WWC1: variants seen among roughly 807,000 people sequenced by gnomAD.
WWC1 encodes WW and C2 domain containing 1, also known as protein KIBRA.
Under a neutral mutation model 138.4 loss-of-function variants are expected in WWC1, and 55 were observed. The ratio of observed to expected loss-of-function variants is 0.40; its 90% confidence interval spans 0.32 to 0.50. The LOEUF (loss-of-function observed/expected upper bound fraction) is 0.50, where lower values mean the gene tolerates loss of function less well. WWC1 is among the 20% of genes least tolerant of loss of function. WWC1 has a pLI of 0.72. For missense variants in WWC1, 1,226 were observed against 1,420.4 expected (o/e 0.86, Z 2.20); for synonymous variants, 524 against 564.9 (o/e 0.93, Z 1.03).
At position 168,444,682 on chromosome 5, in the gene WWC1, C is replaced by T. The variant is rs1755079463; in HGVS notation, c.2525+97C>T. On this transcript the variant is annotated intron_variant, in intron 17 of 22. Transcript: ENST00000265293. Reference sequence around the variant, plus strand: ...TGCCAGTGCAACTAAGAGAAGGGTTCCACTGGGAAGGCTGAGAACCCCTCT... The same window carrying T: ...TGCCAGTGCAACTAAGAGAAGGGTTTCACTGGGAAGGCTGAGAACCCCTCT... The T allele has an allele frequency of 3.7e-6, 5 of 1,362,770 alleles. No homozygotes were observed. The East Asian group carries it at 1.1e-4, about 31-fold the overall frequency. The allele number at this position is 1,362,770 out of a possible 1,614,324, so 84.4% of individuals were successfully genotyped here. A position where few individuals can be genotyped will look rare whatever the true frequency, so the allele number is the denominator to read the frequency against.
intron 21 of WWC1, 54 bp from the exon 22 acceptor site, chr5:168,467,786 G>T: frequency 6.2e-7 from 1 of 1,611,908 alleles, no homozygotes. Context: ...AGTTCTCCTT[G>T]CCCCTTTCTG....
At chr5:168,441,598 A>AC in intron 15 of WWC1, 84 bp from the exon 16 acceptor site, 1 of 1,492,228 alleles carries the variant, frequency 6.7e-7, no homozygotes, top group Non-Finnish European at 9.1e-7. Flanking sequence ...TGTTTTTTCC[A>AC]TACTGTCCTC....
intron 15 of WWC1, among the ~76,000 whole-genome samples, chr5:168,437,208 C>G (rs1782419175): frequency 6.6e-6 from 1 of 152,154 alleles, no homozygotes; most frequent in Non-Finnish European, 1.5e-5. Context: ...GTGAGGTCTT[C>G]CACCCTATAT....
chr5:168,308,117 G>T (rs190134595), intron 1 of WWC1, among the ~76,000 whole-genome samples: 1 of 152,136 alleles, frequency 6.6e-6, no homozygotes, highest in Non-Finnish European at 1.5e-5. Context: ...AAGTCAAGTG[G>T]GTCTTCAGTC....
intron 17 of WWC1, among the ~76,000 whole-genome samples, chr5:168,445,452 C>G (rs1376315724): frequency 2.0e-5 from 3 of 151,928 alleles, no homozygotes; most frequent in Admixed American, 6.6e-5. Flanking sequence ...GTAATCCCAG[C>G]ACTTTGGGAG....
At chr5:168,442,643 C>T (rs1192077724) in intron 16 of WWC1, among the ~76,000 whole-genome samples, 4 of 151,552 alleles carry the variant, frequency 2.6e-5, no homozygotes, top group Non-Finnish European at 5.9e-5. Flanking sequence ...TTGAGACCAC[C>T]CTGGCCAACA....
intron 19 of WWC1, among the ~76,000 whole-genome samples, chr5:168,460,019 G>C (rs2878915): frequency 0.31 from 46,766 of 152,136 alleles, 8,358 homozygotes; most frequent in Middle Eastern, 0.45. Flanking sequence ...TAGCCCTCTG[G>C]GGGGAGTATA....
At chr5:168,338,405 C>CT (rs538925518) in intron 1 of WWC1, among the ~76,000 whole-genome samples, 2 of 141,134 alleles carry the variant, frequency 1.4e-5, no homozygotes, top group South Asian at 2.3e-4. Flanking sequence ...ATAGAGTTTC[C>CT]TTTTTTTTCT....
chr5:168,453,780 A>G (rs570508833), intron 17 of WWC1, among the ~76,000 whole-genome samples, 188 bp from the exon 18 acceptor site: 32 of 152,252 alleles, frequency 2.1e-4, no homozygotes, highest in African/African-American at 7.2e-4. Flanking sequence ...TCCTGAACTC[A>G]GGCAGTCTGC....
At position 168,464,934 on chromosome 5, in the gene WWC1, G is replaced by C; in HGVS notation, c.3122G>C (p.Arg1041Pro). ...TGGTTGCGTGAGGACGAGCGTTTCC[G>C]CCTGCTGCTGAGGATGCTGGAGAAG... is the stretch of plus-strand genomic sequence containing the variant. ...PQWLREDERF[R>P]LLLRMLEKRQ... The change falls in exon 21 of 23, where the codon CGC (arginine) becomes CCC (proline). Residue 1041 changes from arginine to proline, a missense_variant. By Grantham distance (103) the Arg-to-Pro change is moderately radical (BLOSUM62 -2). Transcript: ENST00000265293. 6.2e-7 allele frequency: 1 copy of C among 1,614,086 alleles called. No individual in the cohort carries two copies. The highest frequency in any genetic ancestry group is 2.2e-5 in the East Asian group (1 of 44,872).
chr5:168,441,933 A>C, intron 16 of WWC1, 99 bp downstream of exon 16: 6 of 1,475,076 alleles, frequency 4.1e-6, no homozygotes, highest in Non-Finnish European at 5.4e-6. Flanking sequence ...GCGTCATGAG[A>C]GGAGAACAAT....
chr5:168,416,658 C>A (rs2337223), intron 9 of WWC1: 82,886 of 151,980 alleles, frequency 0.55, 24,282 homozygotes, highest in East Asian at 0.77. Flanking sequence ...AGATTCATGG[C>A]AGCTTCACTC....
intron 14 of WWC1, among the ~76,000 whole-genome samples, chr5:168,430,567 TCA>T (rs1349133630): frequency 3.9e-5 from 6 of 152,302 alleles, no homozygotes; most frequent in Non-Finnish European, 7.4e-5. Context: ...AGAAGAATGG[TCA>T]CAGTCTGTTT....
chr5:168,374,439 TGAAG>T (rs1777017151), intron 2 of WWC1, among the ~76,000 whole-genome samples: 1 of 151,896 alleles, frequency 6.6e-6, no homozygotes, highest in Non-Finnish European at 1.5e-5. Context: ...AGCTAAGACT[TGAAG>T]GAGGTGAGAG....
intron 2 of WWC1, among the ~76,000 whole-genome samples, chr5:168,379,165 A>C (rs1218831986): frequency 6.6e-6 from 1 of 152,204 alleles, no homozygotes; most frequent in African/African-American, 2.4e-5. Flanking sequence ...GAGATGTTTT[A>C]TGTAGGAAAT....
At chr5:168,459,254 C>CAAAA (rs34453947) in intron 19 of WWC1, among the ~76,000 whole-genome samples, 32 of 94,672 alleles carry the variant, frequency 3.4e-4, no homozygotes, top group East Asian at 9.4e-4. Context: ...AACCCTGTCT[C>CAAAA]AAAAAAAAAA....
In WWC1 at chr5:168,424,170, G is replaced by A. The variant is rs1037607884; in HGVS notation, c.1810+102G>A. On this transcript the variant is annotated intron_variant, in intron 11 of 22. Transcript: ENST00000265293. Reference sequence around the variant, plus strand: ...TCATTCTAGTCGATATTTACTGACTGCTTCTGTGTGCTGGGTCTTTGTATG... The same window carrying A: ...TCATTCTAGTCGATATTTACTGACTACTTCTGTGTGCTGGGTCTTTGTATG... 2.2e-6 allele frequency: 3 copies of A among 1,366,832 alleles called. No homozygotes were observed. In the South Asian group the frequency reaches 4.5e-5, roughly 20 times the overall value. 84.7% of individuals were successfully genotyped at this position (1,366,832 alleles called of 1,614,324 possible).
In WWC1 at chr5:168,408,753, G is replaced by C. The variant is rs549311104; in HGVS notation, c.867+100G>C. The stretch of plus-strand genomic sequence containing the variant: ...CTTCTCATGGCTCACCAGGGAGCTG[G>C]CCAGGGGTTCTCTGCAGGGCTGGCT... On this transcript the variant is annotated intron_variant, in intron 7 of 22. Transcript: ENST00000265293. 9.8e-6 allele frequency: 15 copies of C among 1,523,686 alleles called. No homozygotes were observed. In the African/African-American group the frequency reaches 1.8e-4, roughly 18 times the overall value. 94.4% of individuals were successfully genotyped at this position (1,523,686 alleles called of 1,614,324 possible).
chr5:168,354,537 C>A (rs1481805550), intron 1 of WWC1, among the ~76,000 whole-genome samples: 1 of 152,116 alleles, frequency 6.6e-6, no homozygotes, highest in Non-Finnish European at 1.5e-5. Flanking sequence ...TTTTGGGGAA[C>A]CTGGGATATG....
Sources: allele counts gnomAD v4.1 joint callset (sites outside exome capture counted in the v4.1 genomes callset), GRCh38; gene constraint gnomAD v4.1.1; transcripts MANE v1.5; gene names NCBI Gene and HGNC (gene_info 2026-07-23, HGNC 2026-07-21).